The following MRPL40 variants were observed in gnomAD, a reference collection of about 807,000 sequenced individuals.
The protein encoded by MRPL40 is mitochondrial ribosomal protein L40, also known as large ribosomal subunit protein mL40.
In MRPL40, 18 loss-of-function variants were observed where a neutral mutation model predicts 24.5. That is an observed-to-expected ratio of 0.73 (90% CI 0.51 to 1.09). The LOEUF (loss-of-function observed/expected upper bound fraction) is 1.09, where lower values mean the gene tolerates loss of function less well. Among genes scored for constraint, MRPL40 ranks in the 50% least tolerant of loss-of-function variants. The pLI is 0.00. For synonymous variants in MRPL40, 108 were observed against 94.6 expected (o/e 1.14, Z -0.82); for missense variants, 256 against 243.8 (o/e 1.05, Z -0.33).
intron 1 of MRPL40, 37 bp downstream of exon 1, chr22:19,432,644 G>A (rs2089553972): frequency 1.3e-6 from 2 of 1,529,516 alleles, no homozygotes; most frequent in Non-Finnish European, 8.8e-7. Flanking sequence ...GGAGTGCCCA[G>A]GGCGCGTGCG....
rs1255400916 is a variant in MRPL40, at chr22:19,435,777, G to C, written c.436G>C (p.Ala146Pro). ...GGCTATGCTAGAAGCCCAGCAGGAA[G>C]CTCTGGAGGAACTGCAACTGGAATC... ...IRAMLEAQQEALEELQLESPK... is the reference protein window; with the variant it reads ...IRAMLEAQQEPLEELQLESPK... The change falls in exon 4 of 4, where the codon GCT (alanine) becomes CCT (proline). Residue 146 changes from alanine (A) to proline (P), a missense_variant. Ala to Pro is a conservative substitution (Grantham distance 27). Transcript: ENST00000333130. The C allele has an allele frequency of 6.2e-7, 1 of 1,614,174 alleles. No homozygotes were observed. Among genetic ancestry groups the C allele is most frequent in the Admixed American group, 1.7e-5 (1 of 60,028 alleles).
In MRPL40 at chr22:19,435,673, C is replaced by G. The variant is rs138400775; in HGVS notation, c.332C>G (p.Thr111Ser). ...RPQVELTFEE[T>S]ERRALLLKKW... Reference sequence around the variant, plus strand: ...CAGGTGGAGCTCACCTTTGAGGAGACTGAGAGGAGAGCTCTGCTTCTGAAG... The same window carrying G: ...CAGGTGGAGCTCACCTTTGAGGAGAGTGAGAGGAGAGCTCTGCTTCTGAAG... The change falls in exon 4 of 4, where the codon ACT becomes AGT. Residue 111 changes from threonine (T) to serine (S), a missense_variant. Physicochemically the swap from Thr to Ser is moderately conservative, Grantham distance 58. Transcript: ENST00000333130. 554 of 1,614,026 alleles carry G rather than the reference C, an allele frequency of 3.4e-4. 5 individuals are homozygous for G. In the South Asian group the frequency reaches 4.7e-3, roughly 14 times the overall value.
At chr22:19,434,391 T>G (rs1352771231) in intron 2 of MRPL40, among the ~76,000 whole-genome samples, 1 of 151,750 alleles carries the variant, frequency 6.6e-6, no homozygotes, top group East Asian at 1.9e-4. Context: ...CCCAGCTAAT[T>G]TTTGTATTTT....
chr22:19,434,707 A>G, intron 2 of MRPL40, 29 bp from the exon 3 acceptor site: 2 of 1,558,974 alleles, frequency 1.3e-6, no homozygotes, highest in Non-Finnish European at 1.7e-6. Context: ...CCAAAGAGGA[A>G]AATGTTTAAT....
At chr22:19,433,585 C>G (rs1462404711) in intron 2 of MRPL40, among the ~76,000 whole-genome samples, 1 of 152,096 alleles carries the variant, frequency 6.6e-6, no homozygotes, top group Non-Finnish European at 1.5e-5. Flanking sequence ...TGAAGGGATT[C>G]TTGTGTGTTT....
In MRPL40 at chr22:19,435,989, C is replaced by A; in HGVS notation, c.*27C>A. ...CTTGCAGGCTGCTATCCTTAACATGCTGCCCCTGAGAGTAGGAATGACCAG... is the reference window on the plus strand; with the variant it reads ...CTTGCAGGCTGCTATCCTTAACATGATGCCCCTGAGAGTAGGAATGACCAG... On this transcript the variant is annotated 3_prime_UTR_variant, in exon 4 of 4. Transcript: ENST00000333130. 6.4e-7 allele frequency: 1 copy of A among 1,574,754 alleles called. No individual in the cohort carries two copies. The highest frequency in any genetic ancestry group is 8.7e-7 in the Non-Finnish European group (1 of 1,150,840).
intron 1 of MRPL40, chr22:19,432,813 C>T (rs987768428): frequency 7.4e-7 from 1 of 1,357,558 alleles, no homozygotes; most frequent in African/African-American, 1.5e-5. Context: ...GTGGTCTGAA[C>T]GAAAGATTTT....
intron 1 of MRPL40, chr22:19,433,049 C>G: frequency 1.9e-6 from 1 of 533,722 alleles, no homozygotes; most frequent in Admixed American, 3.4e-5. Context: ...GCCCCGGCCT[C>G]CCGAGTAGCT....
chr22:19,433,384 A>G (rs1404075541), intron 2 of MRPL40, 36 bp downstream of exon 2: 1 of 1,282,398 alleles, frequency 7.8e-7, no homozygotes, highest in Non-Finnish European at 1.1e-6. Flanking sequence ...TCTGGGGGTA[A>G]AGGTGTCAGT....
intron 2 of MRPL40, among the ~76,000 whole-genome samples, 169 bp from the exon 3 acceptor site, chr22:19,434,567 C>G (rs2089574372): frequency 6.6e-6 from 1 of 152,142 alleles, no homozygotes; most frequent in Non-Finnish European, 1.5e-5. Flanking sequence ...ACACAGTTCT[C>G]ACAAGTACTG....
At chr22:19,435,493 C>G in intron 3 of MRPL40, 145 bp from the exon 4 acceptor site, 1 of 760,096 alleles carries the variant, frequency 1.3e-6, no homozygotes, top group Non-Finnish European at 2.2e-6. Context: ...CAGCTGCAGC[C>G]ACATTCAACA....
intron 1 of MRPL40, chr22:19,432,931 T>TATTTATTTATTTATTTGAGAC: frequency 2.8e-6 from 3 of 1,065,032 alleles, no homozygotes; most frequent in Non-Finnish European, 3.6e-6. Context: ...GAGAATCAGA[T>TATTTATTTATTTATTTGAGAC]ATTTATTTAT....
At position 19,434,796 on chromosome 22, in the gene MRPL40, G is replaced by A; in HGVS notation, c.198G>A (p.Glu66=). ...CTAAAAAAGACCAAGAAGCAAAGGA[G>A]CGCTTGAAAAGGAAGATCCGAAAAC... is the stretch of plus-strand genomic sequence containing the variant. ...VDPKKDQEAK[E]RLKRKIRKLE... The change falls in exon 3 of 4, where the codon GAG becomes GAA. Residue 66 remains glutamate, a synonymous_variant. Transcript: ENST00000333130. The A allele has an allele frequency of 6.2e-7, 1 of 1,612,416 alleles. No individual in the cohort carries two copies. Among genetic ancestry groups the A allele is most frequent in the Non-Finnish European group, 8.5e-7 (1 of 1,179,618 alleles).
At chr22:19,433,482 T>A in intron 2 of MRPL40, 134 bp downstream of exon 2, 1 of 575,130 alleles carries the variant, frequency 1.7e-6, no homozygotes, top group South Asian at 1.9e-5. Flanking sequence ...TTTAGGCCGA[T>A]GCTTTTCTGT....
intron 3 of MRPL40, among the ~76,000 whole-genome samples, chr22:19,435,356 G>A (rs2073729): frequency 0.04 from 6,081 of 152,260 alleles, 267 homozygotes; most frequent in East Asian, 0.13. Flanking sequence ...TCTATAAAGG[G>A]GCAGGTGTTA....
intron 1 of MRPL40, chr22:19,432,813 CG>C: frequency 2.9e-6 from 4 of 1,357,676 alleles, no homozygotes; most frequent in Non-Finnish European, 3.8e-6. Context: ...GTGGTCTGAA[CG>C]AAAGATTTTG....
intron 1 of MRPL40, 102 bp from the exon 2 acceptor site, chr22:19,433,163 G>C: frequency 1.4e-6 from 1 of 732,990 alleles, no homozygotes; most frequent in Non-Finnish European, 2.4e-6. Flanking sequence ...CTGACCTCGC[G>C]ATCCACCCGC....
In MRPL40 at chr22:19,434,788, G is replaced by C. The variant is rs1227621831; in HGVS notation, c.190G>C (p.Ala64Pro). Residue 64 changes from alanine to proline, a missense_variant, in exon 3 of 4, where the codon GCA (alanine) becomes CCA (proline). Ala to Pro is a conservative substitution (Grantham distance 27, BLOSUM62 -1). Coordinates refer to ENST00000333130, the MANE Select transcript of MRPL40 (RefSeq NM_003776.4). The stretch of plus-strand genomic sequence containing the variant: ...GGTAGATCCTAAAAAAGACCAAGAA[G>C]CAAAGGAGCGCTTGAAAAGGAAGAT... ...KKVDPKKDQE[A>P]KERLKRKIRK... is the part of the protein sequence containing the mutation. 1.7e-5 allele frequency: 27 copies of C among 1,611,552 alleles called. No homozygotes were observed. The highest frequency in any genetic ancestry group is 2.2e-5 in the Non-Finnish European group (26 of 1,179,418).
rs945973594 is a variant in MRPL40 at position 19,432,771 on chromosome 22, C to G, written c.53+164C>G. 4.3e-6 allele frequency: 6 copies of G among 1,389,620 alleles called. No homozygotes were observed. In the Admixed American group the frequency reaches 1.4e-4, roughly 31 times the overall value. The allele number at this position is 1,389,620 out of a possible 1,614,324, so 86.1% of individuals were successfully genotyped here. A position where few individuals can be genotyped will look rare whatever the true frequency, so the allele number is the denominator to read the frequency against. ...CTCTTATGCATGAAAATCTGAGCAC[C>G]CTGGCGAGCAGCGGTCCTGCTTAAG... On this transcript the variant is annotated intron_variant, in intron 1 of 3. Transcript: ENST00000333130.
Sources: gnomAD v4.1 joint callset for allele counts (sites outside exome capture counted in the v4.1 genomes callset) on GRCh38, gnomAD v4.1.1 for gene constraint, MANE v1.5 for transcripts, NCBI Gene and HGNC (gene_info 2026-07-23, HGNC 2026-07-21) for gene names.